DENND1A: variants seen among roughly 807,000 people sequenced by gnomAD.
DENND1A encodes the protein DENN domain-containing protein 1A.
DENND1A carries 51 observed loss-of-function variants against 113.7 expected under a neutral mutation model. The observed-to-expected ratio is 0.45, with a 90% confidence interval of 0.36 to 0.57. DENND1A has a LOEUF of 0.57. Among genes scored for constraint, DENND1A ranks in the 20% least tolerant of loss-of-function variants. The pLI is 0.00. For synonymous variants in DENND1A, 565 were observed against 570.8 expected, an observed-to-expected ratio of 0.99 and a Z score of 0.14; for missense variants, 1,258 against 1,395.9, an observed-to-expected ratio of 0.90 and a Z score of 1.57.
chr9:123,624,023 C>T (rs1325515584), intron 10 of DENND1A, among the ~76,000 whole-genome samples: 7 of 152,230 alleles, frequency 4.6e-5, no homozygotes, highest in Admixed American at 4.6e-4. Context: ...GTGTTAATTA[C>T]ACTTGTGAAG....
At chr9:123,636,123 C>T (rs1371874640) in intron 9 of DENND1A, among the ~76,000 whole-genome samples, 4 of 152,122 alleles carry the variant, frequency 2.6e-5, no homozygotes, top group Non-Finnish European at 4.4e-5. Context: ...AGCTCCAGGG[C>T]CCAGCTGGAA....
At chr9:123,602,437 G>A (rs761029967) in intron 11 of DENND1A, among the ~76,000 whole-genome samples, 4 of 152,114 alleles carry the variant, frequency 2.6e-5, no homozygotes, top group Non-Finnish European at 5.9e-5. Context: ...GATGCAGAGC[G>A]CCAATTGTAT....
intron 8 of DENND1A, among the ~76,000 whole-genome samples, chr9:123,654,484 C>T (rs892637193): frequency 7.9e-5 from 12 of 151,992 alleles, no homozygotes; most frequent in Non-Finnish European, 1.2e-4. Flanking sequence ...AAATCCTGCG[C>T]CTTATTTTGG....
chr9:123,737,244 G>C (rs2068633364), intron 5 of DENND1A, among the ~76,000 whole-genome samples: 1 of 152,120 alleles, frequency 6.6e-6, no homozygotes, highest in African/African-American at 2.4e-5. Context: ...GCCCACACTG[G>C]AGTGCAGTGG....
At chr9:123,508,709 G>T (rs912360192) in intron 13 of DENND1A, among the ~76,000 whole-genome samples, 1 of 152,146 alleles carries the variant, frequency 6.6e-6, no homozygotes, top group Non-Finnish European at 1.5e-5. Context: ...AAGTGTCAAA[G>T]GTAACTGAGG....
intron 13 of DENND1A, among the ~76,000 whole-genome samples, chr9:123,553,091 C>T (rs762704769): frequency 1.3e-5 from 2 of 152,002 alleles, no homozygotes; most frequent in Non-Finnish European, 1.5e-5. Flanking sequence ...CTTATCTCTA[C>T]AAAAATTAAA....
At chr9:123,566,419 C>T (rs77688363) in intron 12 of DENND1A, among the ~76,000 whole-genome samples, 8,062 of 152,190 alleles carry the variant, frequency 0.053, 294 homozygotes, top group Admixed American at 0.086. Context: ...TATGACCCTA[C>T]GAGCCCGGGT....
intron 2 of DENND1A, among the ~76,000 whole-genome samples, chr9:123,872,830 A>G (rs1282325268): frequency 6.6e-6 from 1 of 152,248 alleles, no homozygotes; most frequent in African/African-American, 2.4e-5. Context: ...ACAGAAGTTT[A>G]TAGAACAAAA....
intron 1 of DENND1A, among the ~76,000 whole-genome samples, chr9:123,882,657 A>G (rs1237064155): frequency 6.6e-6 from 1 of 152,192 alleles, no homozygotes; most frequent in Non-Finnish European, 1.5e-5. Context: ...ATAGAGTCAG[A>G]TCACAACATT....
intron 13 of DENND1A, among the ~76,000 whole-genome samples, chr9:123,503,626 G>A (rs1235258240): frequency 6.6e-6 from 1 of 152,200 alleles, no homozygotes; most frequent in Non-Finnish European, 1.5e-5. Context: ...TCCTTGAAAT[G>A]TACCCTGAAA....
chr9:123,494,737 T>C (rs927349646), intron 13 of DENND1A, among the ~76,000 whole-genome samples: 13 of 152,140 alleles, frequency 8.5e-5, no homozygotes, highest in African/African-American at 2.9e-4. Flanking sequence ...CCTAATCATC[T>C]TTTAGGACCT....
intron 21 of DENND1A, among the ~76,000 whole-genome samples, chr9:123,393,996 CT>C (rs10665358): frequency 1.4e-4 from 21 of 145,228 alleles, no homozygotes; most frequent in African/African-American, 1.3e-4. Flanking sequence ...GGGAGCCAGA[CT>C]TTTTTTTTTT....
At chr9:123,545,432 G>C (rs1347753445) in intron 13 of DENND1A, among the ~76,000 whole-genome samples, 1 of 151,734 alleles carries the variant, frequency 6.6e-6, no homozygotes, top group African/African-American at 2.4e-5. Context: ...TCCATCAACT[G>C]TGTGCTGGGG....
At chr9:123,676,363 T>C (rs959982710) in intron 6 of DENND1A, among the ~76,000 whole-genome samples, 1 of 152,196 alleles carries the variant, frequency 6.6e-6, no homozygotes, top group Non-Finnish European at 1.5e-5. Context: ...GCAATTCAGA[T>C]ATGTGCCTCA....
At chr9:123,808,274 T>G (rs7042618) in intron 2 of DENND1A, among the ~76,000 whole-genome samples, 10,999 of 152,006 alleles carry the variant, frequency 0.072, 585 homozygotes, top group African/African-American at 0.15. Flanking sequence ...ATCATCTTAA[T>G]CATTATGCTT....
chr9:123,839,866 A>C (rs189150729), intron 2 of DENND1A, among the ~76,000 whole-genome samples: 1 of 152,316 alleles, frequency 6.6e-6, no homozygotes, highest in East Asian at 1.9e-4. Context: ...ATTATTTCTG[A>C]AGCTAAGCAG....
intron 21 of DENND1A, chr9:123,400,141 T>C (rs1016812160): frequency 1.3e-5 from 2 of 152,256 alleles, no homozygotes; most frequent in African/African-American, 4.8e-5. Context: ...CAAGTAATGT[T>C]ACCTGAAAAG....
At chr9:123,676,620 A>G in intron 6 of DENND1A, 100 bp downstream of exon 6, 3 of 1,075,896 alleles carry the variant, frequency 2.8e-6, no homozygotes, top group South Asian at 1.5e-5. Flanking sequence ...TATAATGGGC[A>G]TGCATCACTT....
chr9:123,788,920 A>G (rs1832592292), intron 3 of DENND1A, among the ~76,000 whole-genome samples: 1 of 152,122 alleles, frequency 6.6e-6, no homozygotes, highest in African/African-American at 2.4e-5. Context: ...GTAAGCTGTT[A>G]TTAAAATTTT....
Sources: allele counts gnomAD v4.1 joint callset (sites outside exome capture counted in the v4.1 genomes callset), GRCh38; gene constraint gnomAD v4.1.1; transcripts MANE v1.5; gene names NCBI Gene and HGNC (gene_info 2026-07-23, HGNC 2026-07-21).